SCNN1B: variants seen among roughly 807,000 people sequenced by gnomAD.
SCNN1B encodes the protein epithelial sodium channel subunit beta.
A neutral mutation model predicts 65.3 loss-of-function variants in SCNN1B; 46 were observed. The observed-to-expected ratio is 0.70, with a 90% confidence interval of 0.56 to 0.90. The LOEUF is 0.90. SCNN1B is among the 40% of genes least tolerant of loss of function. The pLI is 0.00. For synonymous variants in SCNN1B, 349 were observed against 330.6 expected, an observed-to-expected ratio of 1.06 and a Z score of -0.60; for missense variants, 751 against 830.5, an observed-to-expected ratio of 0.90 and a Z score of 1.18.
intron 1 of SCNN1B, chr16:23,323,585 A>G: frequency 1.4e-6 from 1 of 703,002 alleles, no homozygotes; most frequent in Non-Finnish European, 2.6e-6. Context: ...GAGGGTGAGT[A>G]AATTCCACAA....
At chr16:23,367,739 G>A in intron 4 of SCNN1B, 117 bp from the exon 5 acceptor site, 1 of 818,474 alleles carries the variant, frequency 1.2e-6, no homozygotes, top group East Asian at 2.4e-5. Context: ...ATGACCTGTT[G>A]CTCGCCTCTC....
chr16:23,291,026 A>G (rs1596808357), intron 2 of SCNN1B, among the ~76,000 whole-genome samples: 1 of 151,960 alleles, frequency 6.6e-6, no homozygotes, highest in Non-Finnish European at 1.5e-5. Context: ...AAAAAAATTC[A>G]TAAATCTAAG....
At chr16:23,377,671 C>CATT (rs1962939219) in intron 10 of SCNN1B, among the ~76,000 whole-genome samples, 1 of 145,828 alleles carries the variant, frequency 6.9e-6, no homozygotes, top group Non-Finnish European at 1.5e-5. Context: ...TTCCTTCCTT[C>CATT]CTTTCTCCCT....
At chr16:23,298,601 C>G (rs2141973835), upstream of SCNN1B, among the ~76,000 whole-genome samples, 1 of 152,228 alleles carries the variant, frequency 6.6e-6, no homozygotes, top group South Asian at 2.1e-4. Context: ...TCAAACTTAT[C>G]CAGAGTCAAG....
chr16:23,361,943 G>T (rs1041192647), intron 4 of SCNN1B, among the ~76,000 whole-genome samples: 2 of 151,920 alleles, frequency 1.3e-5, no homozygotes, highest in Non-Finnish European at 2.9e-5. Context: ...CAAACTCCTG[G>T]CTCAAGCAAT....
intron 6 of SCNN1B, 132 bp from the exon 7 acceptor site, chr16:23,371,632 GCCCTCTGGCGCC>G (rs1272682869): frequency 1.5e-5 from 14 of 963,888 alleles, no homozygotes; most frequent in African/African-American, 6.6e-5. Flanking sequence ...GGGAAGGTGA[GCCCTCTGGCGCC>G]CCCTCTGGCG....
At position 23,378,835 on chromosome 16, in the gene SCNN1B, G is replaced by A. The variant is rs72654346; in HGVS notation, c.1466+68G>A. On this transcript the variant is annotated intron_variant, in intron 11 of 12. Coordinates refer to ENST00000343070, the MANE Select transcript of SCNN1B (RefSeq NM_000336.3). ...GTCCAGAAACTCGGGGCAGGAGTTT[G>A]GACACAGGACAGCTCCTCAGACACA... 5,789 of 1,390,524 alleles carry A rather than the reference G, an allele frequency of 4.2e-3. 15 individuals carry two copies. The highest frequency in any genetic ancestry group is 5.3e-3 in the Non-Finnish European group (5,224 of 977,162). 86.1% of individuals were successfully genotyped at this position (1,390,524 alleles called of 1,614,324 possible). A position where few individuals can be genotyped will look rare whatever the true frequency, so the allele number is the denominator to read the frequency against.
intron 4 of SCNN1B, among the ~76,000 whole-genome samples, chr16:23,360,201 A>AAAATAAAT (rs781261312): frequency 5.0e-3 from 660 of 132,838 alleles, no homozygotes; most frequent in Middle Eastern, 0.024. Context: ...CCATCTCAAA[A>AAAATAAAT]AAATAAATAA....
chr16:23,324,188 C>G (rs1397235687), intron 1 of SCNN1B, among the ~76,000 whole-genome samples: 1 of 137,506 alleles, frequency 7.3e-6, no homozygotes, highest in African/African-American at 2.7e-5. Context: ...CAAAAGCTCA[C>G]TTTTTTTTTT....
chr16:23,356,663 T>C (rs368316414), intron 4 of SCNN1B, among the ~76,000 whole-genome samples: 29 of 152,012 alleles, frequency 1.9e-4, no homozygotes, highest in African/African-American at 7.0e-4. Flanking sequence ...CACGAGGTTA[T>C]AAAAGTGTTT....
intron 7 of SCNN1B, among the ~76,000 whole-genome samples, chr16:23,375,491 T>C (rs774398727): frequency 2.4e-4 from 36 of 152,188 alleles, no homozygotes; most frequent in Non-Finnish European, 5.1e-4. Context: ...CCTGGGATAC[T>C]GCGGTCTGGC....
intron 4 of SCNN1B, among the ~76,000 whole-genome samples, chr16:23,356,139 G>A (rs1962416264): frequency 6.6e-6 from 1 of 152,146 alleles, no homozygotes; most frequent in Non-Finnish European, 1.5e-5. Flanking sequence ...AGGTTGATGA[G>A]GTGTCTCCTA....
At chr16:23,300,802 G>A (rs1207381485), upstream of SCNN1B, among the ~76,000 whole-genome samples, 2 of 152,026 alleles carry the variant, frequency 1.3e-5, no homozygotes, top group Non-Finnish European at 2.9e-5. Context: ...TCTAGCCTGG[G>A]CAACAAATTG....
chr16:23,337,803 A>G (rs1162265843), intron 1 of SCNN1B, among the ~76,000 whole-genome samples: 2 of 152,312 alleles, frequency 1.3e-5, no homozygotes, highest in East Asian at 3.9e-4. Context: ...ACAGTGGCTC[A>G]TACCTGTAAT....
intron 4 of SCNN1B, among the ~76,000 whole-genome samples, chr16:23,358,868 C>G (rs1962475030): frequency 6.6e-6 from 1 of 152,254 alleles, no homozygotes; most frequent in Non-Finnish European, 1.5e-5. Context: ...GGTTGTGCCA[C>G]TGCACTCCCG....
chr16:23,365,290 AAGAAAGAG>A (rs967357090), intron 4 of SCNN1B, among the ~76,000 whole-genome samples: 5 of 151,328 alleles, frequency 3.3e-5, no homozygotes, highest in South Asian at 2.1e-4. Context: ...AGACTTTGTC[AAGAAAGAG>A]AGAAAGAGAG....
Position 23,367,635 on chromosome 16 carries a change from A to G in SCNN1B, c.777-221A>G, listed in dbSNP as rs2142035672. Among the ~76,000 whole-genome samples the G allele has an allele frequency of 2.0e-5, 3 of 152,326 alleles. 1 individual carries two copies. In the South Asian group the frequency reaches 6.2e-4, roughly 32 times the overall value. On this transcript the variant is annotated intron_variant, in intron 4 of 12. Coordinates refer to ENST00000343070, the MANE Select transcript of SCNN1B (RefSeq NM_000336.3). ...TTCATAACTCATGGCCAAACCAGAG[A>G]GCCTGAGCCCCAACTCCAGAGAAAC...
intron 1 of SCNN1B, among the ~76,000 whole-genome samples, chr16:23,345,886 G>A (rs915829129): frequency 6.6e-6 from 1 of 152,172 alleles, no homozygotes; most frequent in African/African-American, 2.4e-5. Flanking sequence ...TGGAGGAAGT[G>A]GCCTTTGGTC....
At chr16:23,328,765 A>G (rs1158361847) in intron 1 of SCNN1B, among the ~76,000 whole-genome samples, 1 of 152,134 alleles carries the variant, frequency 6.6e-6, no homozygotes, top group Non-Finnish European at 1.5e-5. Flanking sequence ...CACCCATGCT[A>G]TACCTTGAGC....
Sources: allele counts gnomAD v4.1 joint callset (sites outside exome capture counted in the v4.1 genomes callset), GRCh38; gene constraint gnomAD v4.1.1; transcripts MANE v1.5; gene names NCBI Gene and HGNC (gene_info 2026-07-23, HGNC 2026-07-21).